SRI: variants seen among roughly 807,000 people sequenced by gnomAD.
SRI encodes the protein 22 kDa protein.
SRI carries 30 observed loss-of-function variants against 33.3 expected under a neutral mutation model. That is an observed-to-expected ratio of 0.90 (90% confidence interval 0.67 to 1.22). The LOEUF is 1.22. SRI is among the 50% of genes most tolerant of loss of function. SRI has a pLI of 0.00. For missense variants in SRI, 243 were observed against 250.8 expected, an observed-to-expected ratio of 0.97 and a Z score of 0.21; for synonymous variants, 75 against 89.9, an observed-to-expected ratio of 0.83 and a Z score of 0.94.
intron 3 of SRI, among the ~76,000 whole-genome samples, chr7:88,214,398 G>A (rs1385162489): frequency 6.6e-6 from 1 of 152,166 alleles, no homozygotes; most frequent in East Asian, 1.9e-4. Flanking sequence ...AGACTGAGGA[G>A]GAGAGGGACA....
chr7:88,218,772 G>A (rs775255595), intron 2 of SRI, 87 bp downstream of exon 2: 7 of 1,298,550 alleles, frequency 5.4e-6, no homozygotes, highest in Non-Finnish European at 7.8e-6. Context: ...CAGTACCACA[G>A]GAAGTTCGCT....
intron 1 of SRI, among the ~76,000 whole-genome samples, chr7:88,219,764 A>T (rs1586721715): frequency 6.6e-6 from 1 of 152,178 alleles, no homozygotes; most frequent in Admixed American, 6.5e-5. Context: ...TTGGCCCCGC[A>T]GGGCCATCCA....
In SRI at chr7:88,208,527, C is replaced by A. The variant is rs750070798; in HGVS notation, c.550G>T (p.Val184Leu). ...CTTACATCATCATATGGGAAATTCA[C>A]AACACCTTGCTGAGCAGTATCCCGT... is the stretch of plus-strand genomic sequence containing the variant. ...RRRDTAQQGVVNFPYDDFIQC... is the reference protein window; with the variant it reads ...RRRDTAQQGVLNFPYDDFIQC... The change falls in exon 7 of 8, where the codon GTG becomes TTG. Residue 184 changes from valine to leucine, a missense_variant. Coordinates refer to ENST00000265729, the MANE Select transcript of SRI (RefSeq NM_003130.4). 4 of 1,613,788 alleles carry A rather than the reference C, an allele frequency of 2.5e-6. No individual in the cohort carries two copies. Among genetic ancestry groups the A allele is most frequent in the Non-Finnish European group, 3.4e-6 (4 of 1,179,932 alleles).
At chr7:88,219,069 C>G in intron 1 of SRI, 127 bp from the exon 2 acceptor site, 1 of 743,944 alleles carries the variant, frequency 1.3e-6, no homozygotes, top group Middle Eastern at 2.5e-4. Context: ...CACCTCCCCA[C>G]CACCGGGCAC....
rs750688403 is a variant in SRI at position 88,213,730 on chromosome 7, A to C, written c.206-2805T>G. 1.3e-4 allele frequency among the ~76,000 whole-genome samples: 20 copies of C among 152,336 alleles called. 1 individual carries two copies. The highest frequency in any genetic ancestry group is 3.3e-4 in the Admixed American group (5 of 15,296). ...TGGCACCAAATTCTCACCCCCACGC[A>C]GGAAGCTGTAGAGCCCTGCACTTTA... is the stretch of plus-strand genomic sequence containing the variant. On this transcript the variant is annotated intron_variant, in intron 3 of 7. Coordinates refer to ENST00000265729, the MANE Select transcript of SRI (RefSeq NM_003130.4).
At chr7:88,208,329 T>C in intron 7 of SRI, 178 bp downstream of exon 7, 7 of 1,380,718 alleles carry the variant, frequency 5.1e-6, no homozygotes, top group African/African-American at 2.9e-5. Context: ...GGTCTCACTA[T>C]AGTTAAGACT....
At chr7:88,219,544 GTT>G in intron 1 of SRI, 3 of 138,738 alleles carry the variant, frequency 2.2e-5, no homozygotes, top group Non-Finnish European at 4.6e-5. Flanking sequence ...CTCGTTTTTT[GTT>G]TGTTTGTTTG....
intron 1 of SRI, among the ~76,000 whole-genome samples, chr7:88,225,105 G>A (rs889508209): frequency 4.6e-5 from 7 of 152,110 alleles, no homozygotes; most frequent in African/African-American, 1.7e-4. Context: ...AACACAGCAA[G>A]GGCAGTCATC....
chr7:88,225,307 C>T (rs1851972487), intron 1 of SRI, among the ~76,000 whole-genome samples: 1 of 152,114 alleles, frequency 6.6e-6, no homozygotes. Context: ...TATCATTGTA[C>T]ATATGTAAAT....
chr7:88,222,423 T>A (rs1474872588), upstream of SRI, among the ~76,000 whole-genome samples: 3 of 150,416 alleles, frequency 2.0e-5, no homozygotes, highest in Admixed American at 2.0e-4. Context: ...TTGATTTGCA[T>A]TTCTCTGATG....
intron 1 of SRI, chr7:88,219,295 G>A (rs1851818186): frequency 3.1e-6 from 1 of 327,476 alleles, no homozygotes; most frequent in Admixed American, 4.4e-5. Flanking sequence ...CAGCATTTAT[G>A]GTATTTTAAG....
At chr7:88,211,284 G>A (rs1464313845) in intron 3 of SRI, among the ~76,000 whole-genome samples, 2 of 152,044 alleles carry the variant, frequency 1.3e-5, no homozygotes, top group East Asian at 1.9e-4. Context: ...GCAAAAACTC[G>A]TCTCTACTAA....
upstream of SRI, among the ~76,000 whole-genome samples, chr7:88,222,799 G>T (rs895217366): frequency 1.3e-5 from 2 of 152,196 alleles, no homozygotes; most frequent in Admixed American, 6.5e-5. Context: ...CTAGCCATAT[G>T]TAGGAAGCTA....
At chr7:88,220,048 G>A, upstream of SRI, 7 of 1,517,220 alleles carry the variant, frequency 4.6e-6, no homozygotes, top group Non-Finnish European at 6.1e-6. Flanking sequence ...CGCCGCAGCC[G>A]CCCTCGCCCT....
At chr7:88,207,034 T>C (rs932161600) in intron 7 of SRI, among the ~76,000 whole-genome samples, 8 of 152,204 alleles carry the variant, frequency 5.3e-5, no homozygotes, top group African/African-American at 1.9e-4. Flanking sequence ...AGATTAGAAA[T>C]ACCAGTATTT....
At chr7:88,213,890 GAC>G (rs555773949) in intron 3 of SRI, among the ~76,000 whole-genome samples, 151 of 152,234 alleles carry the variant, frequency 9.9e-4, no homozygotes, top group African/African-American at 3.6e-3. Context: ...TAATTTTTCT[GAC>G]ACAGAAAATT....
At chr7:88,210,519 T>G (rs1424085302) in intron 4 of SRI, 4 of 383,372 alleles carry the variant, frequency 1.0e-5, no homozygotes, top group Non-Finnish European at 2.0e-5. Flanking sequence ...ACAAATGAGG[T>G]GGGATGGAAT....
chr7:88,210,694 T>C, intron 4 of SRI, 188 bp downstream of exon 4: 3 of 577,464 alleles, frequency 5.2e-6, no homozygotes, highest in South Asian at 2.2e-5. Context: ...CTGAACAACA[T>C]TCTGTTTACT....
At chr7:88,225,392 C>T (rs1272048672) in intron 1 of SRI, among the ~76,000 whole-genome samples, 1 of 152,116 alleles carries the variant, frequency 6.6e-6, no homozygotes, top group East Asian at 1.9e-4. Context: ...TCAAAAATGA[C>T]CTTCCAAAGA....
Sources: allele counts gnomAD v4.1 joint callset (sites outside exome capture counted in the v4.1 genomes callset), GRCh38; gene constraint gnomAD v4.1.1; transcripts MANE v1.5; gene names NCBI Gene and HGNC (gene_info 2026-07-23, HGNC 2026-07-21).